PBX3: variants seen among roughly 807,000 people sequenced by gnomAD.
PBX3 encodes the protein pre-B-cell leukemia transcription factor 3.
A neutral mutation model predicts 48.5 loss-of-function variants in PBX3; 14 were observed. The ratio of observed to expected loss-of-function variants is 0.29; its 90% CI spans 0.19 to 0.45. PBX3 has a LOEUF of 0.45. Among genes scored for constraint, PBX3 ranks in the 20% least tolerant of loss-of-function variants. The probability of loss-of-function intolerance (pLI) is 1.00; values close to 1 mark genes in which losing one functional copy is unlikely to be tolerated. For synonymous variants in PBX3, 210 were observed against 200.3 expected (o/e 1.05, Z -0.41); for missense variants, 386 against 546.7 (o/e 0.71, Z 2.93).
intron 2 of PBX3, among the ~76,000 whole-genome samples, chr9:125,806,287 AGAGG>A (rs1264553036): frequency 3.3e-5 from 5 of 152,156 alleles, no homozygotes; most frequent in African/African-American, 9.7e-5. Flanking sequence ...TGGCTGGAGC[AGAGG>A]GAGGGAGGGA....
intron 2 of PBX3, among the ~76,000 whole-genome samples, chr9:125,828,122 G>A (rs1838859480): frequency 6.6e-6 from 1 of 152,084 alleles, no homozygotes; most frequent in African/African-American, 2.4e-5. Flanking sequence ...TTGCTGTCCA[G>A]AGGATTTACT....
At chr9:125,849,449 T>A (rs1839517923) in intron 2 of PBX3, among the ~76,000 whole-genome samples, 2 of 151,808 alleles carry the variant, frequency 1.3e-5, no homozygotes, top group Non-Finnish European at 2.9e-5. Flanking sequence ...TGACTTGAAG[T>A]GCTATGTCAC....
chr9:125,767,888 T>C (rs972653013), intron 2 of PBX3, among the ~76,000 whole-genome samples: 2 of 151,822 alleles, frequency 1.3e-5, no homozygotes, highest in African/African-American at 4.8e-5. Flanking sequence ...AAAAATGGAA[T>C]AGAACAATTA....
At chr9:125,880,202 G>T (rs941788757) in intron 2 of PBX3, among the ~76,000 whole-genome samples, 1 of 152,056 alleles carries the variant, frequency 6.6e-6, no homozygotes, top group African/African-American at 2.4e-5. Context: ...GCACCACCAC[G>T]CCCAACTAAT....
chr9:125,822,589 A>C (rs982489877), intron 2 of PBX3, among the ~76,000 whole-genome samples: 1 of 152,192 alleles, frequency 6.6e-6, no homozygotes, highest in Admixed American at 6.5e-5. Context: ...TTCCCTGAGC[A>C]TACCGTTTAT....
At chr9:125,885,781 GT>G (rs1158785989) in intron 2 of PBX3, among the ~76,000 whole-genome samples, 1 of 139,308 alleles carries the variant, frequency 7.2e-6, no homozygotes, top group Non-Finnish European at 1.6e-5. Flanking sequence ...GTTATTGAAC[GT>G]TCTTAACTGT....
intron 2 of PBX3, among the ~76,000 whole-genome samples, chr9:125,867,025 T>G: frequency 6.6e-6 from 1 of 152,242 alleles, no homozygotes; most frequent in African/African-American, 2.4e-5. Flanking sequence ...TAATGGCAAA[T>G]CTAGGGTCTT....
chr9:125,928,414 G>T (rs1465608372), intron 3 of PBX3, among the ~76,000 whole-genome samples: 2 of 148,430 alleles, frequency 1.3e-5, no homozygotes, highest in Admixed American at 1.3e-4. Flanking sequence ...GTGTGTGTGT[G>T]TGTGTGTGTT....
At chr9:125,776,805 A>G (rs942206941) in intron 2 of PBX3, among the ~76,000 whole-genome samples, 3 of 152,024 alleles carry the variant, frequency 2.0e-5, no homozygotes, top group African/African-American at 7.3e-5. Context: ...CAGCTTCTCA[A>G]AGTTCTGGGA....
intron 2 of PBX3, among the ~76,000 whole-genome samples, chr9:125,803,569 A>C (rs1312001403): frequency 6.6e-6 from 1 of 152,166 alleles, no homozygotes; most frequent in Non-Finnish European, 1.5e-5. Flanking sequence ...ATTTTTTAGA[A>C]TATGCTTTCA....
intron 2 of PBX3, chr9:125,843,639 C>A: frequency 3.9e-6 from 1 of 254,504 alleles, no homozygotes; most frequent in Non-Finnish European, 8.3e-6. Context: ...ACAACAGTCC[C>A]GAAAGAATAT....
chr9:125,914,599 A>C (rs1178423521), intron 2 of PBX3, among the ~76,000 whole-genome samples: 5 of 152,244 alleles, frequency 3.3e-5, no homozygotes, highest in Non-Finnish European at 7.3e-5. Context: ...ATAAACAACA[A>C]CAGGCACAGA....
intron 2 of PBX3, among the ~76,000 whole-genome samples, chr9:125,756,400 A>G (rs1481308297): frequency 5.3e-5 from 8 of 152,194 alleles, no homozygotes; most frequent in Middle Eastern, 3.2e-3. Context: ...AGGGAGGAAG[A>G]CAGACCTTCT....
intron 2 of PBX3, among the ~76,000 whole-genome samples, chr9:125,867,773 TATATACACAC>T (rs1386384498): frequency 6.6e-6 from 1 of 151,564 alleles, no homozygotes; most frequent in Non-Finnish European, 1.5e-5. Flanking sequence ...TACACACACA[TATATACACAC>T]ATATACACAC....
chr9:125,889,387 T>G (rs2132378505), intron 2 of PBX3, among the ~76,000 whole-genome samples: 1 of 152,350 alleles, frequency 6.6e-6, no homozygotes, highest in African/African-American at 2.4e-5. Context: ...TTTCCTCCGG[T>G]CCCGAGTTCT....
At chr9:125,856,710 TC>T (rs760234712) in intron 2 of PBX3, among the ~76,000 whole-genome samples, 21 of 152,236 alleles carry the variant, frequency 1.4e-4, no homozygotes, top group Non-Finnish European at 3.1e-4. Flanking sequence ...ACATAATAAA[TC>T]AATAGTGTCA....
chr9:125,752,171 G>A (rs779243819), intron 2 of PBX3, among the ~76,000 whole-genome samples: 4 of 152,002 alleles, frequency 2.6e-5, no homozygotes, highest in Non-Finnish European at 4.4e-5. Flanking sequence ...CCTAAATAGC[G>A]TTCATTTACT....
chr9:125,906,259 T>G (rs1346373319), intron 2 of PBX3, among the ~76,000 whole-genome samples: 1 of 152,000 alleles, frequency 6.6e-6, no homozygotes, highest in African/African-American at 2.4e-5. Flanking sequence ...GATAAAACTT[T>G]ATGCTGTGCT....
intron 5 of PBX3, among the ~76,000 whole-genome samples, chr9:125,943,635 C>T (rs1421518737): frequency 6.6e-6 from 1 of 152,052 alleles, no homozygotes; most frequent in African/African-American, 2.4e-5. Context: ...GCTAATAGGC[C>T]AATATATAAG....
Sources: allele counts gnomAD v4.1 joint callset (sites outside exome capture counted in the v4.1 genomes callset), GRCh38; gene constraint gnomAD v4.1.1; transcripts MANE v1.5; gene names NCBI Gene and HGNC (gene_info 2026-07-23, HGNC 2026-07-21).